Variants in EPS15 observed in about 807,000 individuals in gnomAD.
EPS15 encodes epidermal growth factor receptor pathway substrate 15, also known as epidermal growth factor receptor substrate 15.
Under a neutral mutation model 113.8 loss-of-function variants are expected in EPS15, and 72 were observed. The ratio of observed to expected loss-of-function variants is 0.63; its 90% CI spans 0.52 to 0.77. The LOEUF is 0.77. Ranked by LOEUF, EPS15 falls within the 30% of genes least tolerant of loss-of-function variation. The pLI is 0.00. For synonymous variants in EPS15, 344 were observed against 363.4 expected (o/e 0.95, Z 0.61); for missense variants, 1,048 against 1,045.8 (o/e 1.00, Z -0.03).
rs538820398 is a variant in EPS15 at position 51,493,318 on chromosome 1, G to A, written c.34-12004C>T. ...GGAGCTTGCAGTGAGCCAAGATCGC[G>A]CCACTGCACTCCAGCCTGGATGACA... On this transcript the variant is annotated intron_variant, in intron 1 of 24. Transcript: ENST00000371733. 1.2e-3 allele frequency among the ~76,000 whole-genome samples: 155 copies of A among 131,690 alleles called. 1 individual carries two copies. In the South Asian group the frequency reaches 0.035, roughly 30 times the overall value. The allele number at this position is 131,690 out of a possible 152,430, so 86.4% of individuals were successfully genotyped here.
chr1:51,388,844 A>G (rs1177500893), intron 21 of EPS15, among the ~76,000 whole-genome samples: 2 of 152,170 alleles, frequency 1.3e-5, no homozygotes, highest in African/African-American at 4.8e-5. Context: ...CCAACCAAAA[A>G]GAGTCCAGGA....
chr1:51,379,959 G>T (rs1230941843), intron 21 of EPS15, among the ~76,000 whole-genome samples: 2 of 152,052 alleles, frequency 1.3e-5, no homozygotes, highest in Non-Finnish European at 1.5e-5. Flanking sequence ...CTACTTGGAA[G>T]GCTGAGGCAG....
intron 10 of EPS15, among the ~76,000 whole-genome samples, chr1:51,445,499 G>T (rs971737690): frequency 6.6e-6 from 1 of 152,148 alleles, no homozygotes; most frequent in African/African-American, 2.4e-5. Flanking sequence ...GGAGTAGGAG[G>T]ATACAAGGAT....
intron 12 of EPS15, among the ~76,000 whole-genome samples, chr1:51,426,837 C>CTCTCTCTCTCTCTCTCTATA (rs377211027): frequency 2.8e-5 from 4 of 143,568 alleles, no homozygotes; most frequent in African/African-American, 1.1e-4. Context: ...CTCTCTCTCT[C>CTCTCTCTCTCTCTCTCTATA]TATATATATA....
intron 1 of EPS15, among the ~76,000 whole-genome samples, chr1:51,482,155 C>T (rs1644032133): frequency 6.6e-6 from 1 of 152,070 alleles, no homozygotes; most frequent in Non-Finnish European, 1.5e-5. Context: ...GGTTAACAGA[C>T]TGAGACCCTG....
At chr1:51,433,103 A>T (rs1651863471) in intron 12 of EPS15, among the ~76,000 whole-genome samples, 1 of 152,252 alleles carries the variant, frequency 6.6e-6, no homozygotes. Context: ...TAGAAATTTT[A>T]AAAAATCGGT....
At chr1:51,460,599 T>C (rs1654365766) in intron 8 of EPS15, among the ~76,000 whole-genome samples, 1 of 151,926 alleles carries the variant, frequency 6.6e-6, no homozygotes, top group South Asian at 2.1e-4. Context: ...AAAATGAAGA[T>C]GGCAGAACAC....
intron 24 of EPS15, among the ~76,000 whole-genome samples, chr1:51,357,392 ATATATATATATAT>A (rs1389849082): frequency 4.6e-4 from 27 of 59,094 alleles, no homozygotes; most frequent in Non-Finnish European, 5.2e-4. Context: ...AAAAAAAAAA[ATATATATATATAT>A]ATATATATAT....
At chr1:51,450,721 T>A (rs923248884) in intron 8 of EPS15, among the ~76,000 whole-genome samples, 3 of 151,760 alleles carry the variant, frequency 2.0e-5, no homozygotes, top group Admixed American at 6.6e-5. Context: ...CAATCCCACA[T>A]CTGGGAATCT....
rs1327988321 is a variant in EPS15 at position 51,414,789 on chromosome 1, G to A, written c.1114-5093C>T. 3.3e-5 allele frequency among the ~76,000 whole-genome samples: 5 copies of A among 152,192 alleles called. 1 individual carries two copies. The South Asian group carries it at 1.0e-3, about 32-fold the overall frequency. On this transcript the variant is annotated intron_variant, in intron 13 of 24. Coordinates refer to ENST00000371733, the MANE Select transcript of EPS15 (RefSeq NM_001981.3). The stretch of plus-strand genomic sequence containing the variant: ...ACCTTAAAAGGGTCACACAATATAA[G>A]AAAATGTCTAGGACATGATACTAAG...
At position 51,365,997 on chromosome 1, in the gene EPS15, C is replaced by G. The variant is rs1198922733; in HGVS notation, c.2152G>C (p.Glu718Gln). Residue 718 changes from glutamate (E) to glutamine (Q), a missense_variant, in exon 22 of 25, where the codon GAA becomes CAA. By Grantham distance (29) the Glu-to-Gln change is conservative. Transcript: ENST00000371733. ...TDPFASVFGNESFGGGFADFS... is the reference protein window; with the variant it reads ...TDPFASVFGNQSFGGGFADFS... ...TCAGCAAATCCACCTCCAAATGATT[C>G]ATTCCCAAAAACAGAAGCAAAGGGG... 2 of 1,613,124 alleles carry G rather than the reference C, an allele frequency of 1.2e-6. No homozygotes were observed. Among genetic ancestry groups the G allele is most frequent in the Non-Finnish European group, 1.7e-6 (2 of 1,179,454 alleles).
intron 13 of EPS15, among the ~76,000 whole-genome samples, chr1:51,413,359 G>A (rs1649918424): frequency 6.6e-6 from 1 of 152,112 alleles, no homozygotes; most frequent in Non-Finnish European, 1.5e-5. Flanking sequence ...AACTTCTAAA[G>A]GACAGTGTCC....
chr1:51,381,093 A>T (rs562869897), intron 21 of EPS15, among the ~76,000 whole-genome samples: 1 of 147,434 alleles, frequency 6.8e-6, no homozygotes, highest in African/African-American at 2.5e-5. Context: ...ACAGTTGGAG[A>T]CTTCAATATC....
At chr1:51,402,381 A>G in intron 18 of EPS15, 54 bp downstream of exon 18, 1 of 963,326 alleles carries the variant, frequency 1.0e-6, no homozygotes, top group Non-Finnish European at 1.6e-6. Flanking sequence ...TAGTTTATAT[A>G]TTAAAAAGTC....
At chr1:51,366,323 C>T (rs1646506829) in intron 21 of EPS15, among the ~76,000 whole-genome samples, 1 of 152,204 alleles carries the variant, frequency 6.6e-6, no homozygotes, top group African/African-American at 2.4e-5. Context: ...CTGCCTCAGC[C>T]TCCCAGAGTG....
rs55806131 is a variant in EPS15 at position 51,415,796 on chromosome 1, CAAAAAAAAAAAAAAAAA to C, written c.1113+5973_1113+5989del. Among the ~76,000 whole-genome samples the C allele has an allele frequency of 1.2e-3, 26 of 21,972 alleles. No individual in the cohort carries two copies. In the Admixed American group the frequency reaches 0.015, roughly 13 times the overall value. 14.4% of individuals were successfully genotyped at this position (21,972 alleles called of 152,430 possible). A position where few individuals can be genotyped will look rare whatever the true frequency, so the allele number is the denominator to read the frequency against. On this transcript the variant is annotated intron_variant, in intron 13 of 24. Coordinates refer to ENST00000371733, the MANE Select transcript of EPS15 (RefSeq NM_001981.3). The stretch of plus-strand genomic sequence containing the variant: ...GGGCAACAAGAGCAAAACTCCGTCT[CAAAAAAAAAAAAAAAAA>C]AAAAAAAAAAAAAAAAAATTCCAAC...
intron 12 of EPS15, among the ~76,000 whole-genome samples, chr1:51,431,662 T>C (rs1054478672): frequency 5.9e-5 from 9 of 152,022 alleles, no homozygotes; most frequent in Non-Finnish European, 1.0e-4. Flanking sequence ...GCCAGGCTGG[T>C]TTCAAACTCC....
chr1:51,481,184 G>A lies in EPS15; in HGVS notation c.75+89C>T, dbSNP rs72892019. 1,572 of 753,254 alleles carry A rather than the reference G, an allele frequency of 2.1e-3. 19 individuals are homozygous for A. The African/African-American group carries it at 0.024, about 12-fold the overall frequency. 46.7% of individuals were successfully genotyped at this position (753,254 alleles called of 1,614,324 possible). On this transcript the variant is annotated intron_variant, in intron 2 of 24. Transcript: ENST00000371733. Reference sequence around the variant, plus strand: ...GAAAACAAGACACATCAAATTTATCGAGCTAGCTGGTAATCTACAGGCATA... The same window carrying A: ...GAAAACAAGACACATCAAATTTATCAAGCTAGCTGGTAATCTACAGGCATA...
At chr1:51,415,087 T>A (rs1035626286) in intron 13 of EPS15, among the ~76,000 whole-genome samples, 3 of 152,196 alleles carry the variant, frequency 2.0e-5, no homozygotes, top group Non-Finnish European at 2.9e-5. Context: ...TATTCTGATG[T>A]GACTAAATTT....
Sources: gnomAD v4.1 joint callset for allele counts (sites outside exome capture counted in the v4.1 genomes callset) on GRCh38, gnomAD v4.1.1 for gene constraint, MANE v1.5 for transcripts, NCBI Gene and HGNC (gene_info 2026-07-23, HGNC 2026-07-21) for gene names.